STEAP1B: variants seen among roughly 807,000 people sequenced by gnomAD.
STEAP1B encodes STEAP family member 1B.
Under a neutral mutation model 27.9 loss-of-function variants are expected in STEAP1B, and 13 were observed. The observed-to-expected ratio is 0.47, with a 90% CI of 0.30 to 0.74. The LOEUF (loss-of-function observed/expected upper bound fraction) is 0.74, where lower values mean the gene tolerates loss of function less well. Ranked by LOEUF, STEAP1B falls within the 30% of genes least tolerant of loss-of-function variation. The pLI is 0.06. For missense variants in STEAP1B, 250 were observed against 298.7 expected (o/e 0.84, Z 1.20); for synonymous variants, 86 against 107.1 (o/e 0.80, Z 1.22).
chr7:22,442,937 G>A (rs942981071), intron 4 of STEAP1B, among the ~76,000 whole-genome samples: 1 of 152,088 alleles, frequency 6.6e-6, no homozygotes, highest in African/African-American at 2.4e-5. Context: ...GTCACACCAG[G>A]CTCACCCCTA....
At chr7:22,450,595 T>C (rs1484261123) in intron 4 of STEAP1B, among the ~76,000 whole-genome samples, 3 of 115,576 alleles carry the variant, frequency 2.6e-5, no homozygotes, top group African/African-American at 8.9e-5. Flanking sequence ...ATTCCTGTAG[T>C]TTTGTTTTTT....
chr7:22,483,547 G>C (rs1029203103), intron 4 of STEAP1B, among the ~76,000 whole-genome samples: 2 of 152,150 alleles, frequency 1.3e-5, no homozygotes, highest in East Asian at 3.8e-4. Context: ...GTCTATTAGT[G>C]TCATTTTCTC....
chr7:22,454,983 C>T (rs1785556207), intron 4 of STEAP1B, among the ~76,000 whole-genome samples: 2 of 151,614 alleles, frequency 1.3e-5, no homozygotes, highest in South Asian at 4.2e-4. Context: ...CTGCCTCAGC[C>T]TCTCGAGTAG....
At chr7:22,482,089 A>G (rs1203566200) in intron 4 of STEAP1B, among the ~76,000 whole-genome samples, 4 of 152,200 alleles carry the variant, frequency 2.6e-5, no homozygotes, top group African/African-American at 9.6e-5. Flanking sequence ...TCAGATTCCC[A>G]GAGTCCTGCT....
chr7:22,478,881 C>G (rs1786018595), intron 4 of STEAP1B, among the ~76,000 whole-genome samples: 1 of 152,150 alleles, frequency 6.6e-6, no homozygotes, highest in Admixed American at 6.5e-5. Flanking sequence ...CTCACTTTGT[C>G]TGGTTTCAGG....
intron 4 of STEAP1B, among the ~76,000 whole-genome samples, chr7:22,468,626 T>G (rs550387926): frequency 1.1e-4 from 16 of 152,350 alleles, no homozygotes; most frequent in African/African-American, 3.8e-4. Context: ...ATATTCTAGC[T>G]GATAAATATG....
intron 4 of STEAP1B, among the ~76,000 whole-genome samples, chr7:22,470,871 T>TA (rs1372564246): frequency 6.6e-6 from 1 of 152,054 alleles, no homozygotes; most frequent in Non-Finnish European, 1.5e-5. Flanking sequence ...TATCTAAAAA[T>TA]AAAACATCAC....
At chr7:22,491,989 T>G (rs1414088421) in intron 4 of STEAP1B, among the ~76,000 whole-genome samples, 1 of 152,028 alleles carries the variant, frequency 6.6e-6, no homozygotes, top group Non-Finnish European at 1.5e-5. Flanking sequence ...TCTTTTCTGA[T>G]TCAGTGATTC....
At chr7:22,431,360 TC>T (rs1453400099) in intron 4 of STEAP1B, among the ~76,000 whole-genome samples, 1 of 152,188 alleles carries the variant, frequency 6.6e-6, no homozygotes. Flanking sequence ...AAAATCTCTC[TC>T]CCAATAGCTC....
chr7:22,445,165 T>C (rs1785390980), intron 4 of STEAP1B, among the ~76,000 whole-genome samples: 1 of 152,246 alleles, frequency 6.6e-6, no homozygotes, highest in Non-Finnish European at 1.5e-5. Flanking sequence ...TTCTAGACTT[T>C]TCTGCATTAT....
chr7:22,487,906 T>A (rs1786243156), intron 4 of STEAP1B, among the ~76,000 whole-genome samples: 1 of 151,706 alleles, frequency 6.6e-6, no homozygotes. Flanking sequence ...AATATAAAAC[T>A]GAGCAAATTA....
At chr7:22,471,411 C>T (rs887654186) in intron 4 of STEAP1B, among the ~76,000 whole-genome samples, 52 of 152,136 alleles carry the variant, frequency 3.4e-4, no homozygotes, top group African/African-American at 1.2e-3. Context: ...CAAGTAAAAA[C>T]CATCTGCTGC....
chr7:22,434,691 A>T (rs1321630114), intron 4 of STEAP1B, among the ~76,000 whole-genome samples: 1 of 152,222 alleles, frequency 6.6e-6, no homozygotes, highest in African/African-American at 2.4e-5. Flanking sequence ...CGGAAAGATA[A>T]AATGTTCCTT....
intron 4 of STEAP1B, among the ~76,000 whole-genome samples, chr7:22,464,573 G>A (rs1321618708): frequency 6.6e-6 from 1 of 152,042 alleles, no homozygotes; most frequent in Non-Finnish European, 1.5e-5. Context: ...CCTTTAAGAG[G>A]TGATTAAGTT....
intron 4 of STEAP1B, 40 bp downstream of exon 4, chr7:22,492,525 A>T: frequency 6.5e-7 from 1 of 1,528,598 alleles, no homozygotes; most frequent in Non-Finnish European, 8.8e-7. Context: ...AAACACAAAA[A>T]GAAGATTTAC....
At chr7:22,437,496 A>T (rs1454973778) in intron 4 of STEAP1B, among the ~76,000 whole-genome samples, 1 of 152,232 alleles carries the variant, frequency 6.6e-6, no homozygotes, top group African/African-American at 2.4e-5. Context: ...TTATCCATTC[A>T]TCTGTCAATG....
chr7:22,435,812 T>C (rs985778486), intron 4 of STEAP1B, among the ~76,000 whole-genome samples: 12 of 152,214 alleles, frequency 7.9e-5, no homozygotes, highest in Admixed American at 3.9e-4. Context: ...GCAGGTGTGA[T>C]ATAAGACTCA....
intron 4 of STEAP1B, among the ~76,000 whole-genome samples, chr7:22,432,626 G>C (rs1785202535): frequency 6.6e-6 from 1 of 152,076 alleles, no homozygotes; most frequent in African/African-American, 2.4e-5. Context: ...ATGGTATTTT[G>C]TGATAGCAGC....
chr7:22,488,477 A>C (rs1786258559), intron 4 of STEAP1B, among the ~76,000 whole-genome samples: 1 of 152,190 alleles, frequency 6.6e-6, no homozygotes, highest in African/African-American at 2.4e-5. Context: ...GGGAATCAGA[A>C]GGGCTTGAAT....
Sources: allele counts gnomAD v4.1 joint callset (sites outside exome capture counted in the v4.1 genomes callset), GRCh38; gene constraint gnomAD v4.1.1; transcripts MANE v1.5; gene names NCBI Gene and HGNC (gene_info 2026-07-23, HGNC 2026-07-21).